The following ATG5 variants were observed in gnomAD, a reference collection of about 807,000 sequenced individuals.
The protein encoded by ATG5 is autophagy protein 5.
In ATG5, 14 loss-of-function variants were observed where a neutral mutation model predicts 36.5. That is an observed-to-expected ratio of 0.38 (90% CI 0.25 to 0.60). The LOEUF (loss-of-function observed/expected upper bound fraction) is 0.60. ATG5 is among the 20% of genes least tolerant of loss of function. ATG5 has a pLI of 0.60. For synonymous variants in ATG5, 95 were observed against 101.5 expected (o/e 0.94, Z 0.38); for missense variants, 195 against 326.7 (o/e 0.60, Z 3.11).
chr6:106,207,053 A>C (rs923745158), intron 6 of ATG5, among the ~76,000 whole-genome samples: 26 of 152,350 alleles, frequency 1.7e-4, no homozygotes, highest in African/African-American at 6.0e-4. Flanking sequence ...GTAAATATGC[A>C]AAGTATTTCA....
chr6:106,195,699 A>T (rs1212622964), intron 7 of ATG5, among the ~76,000 whole-genome samples: 3 of 151,764 alleles, frequency 2.0e-5, no homozygotes, highest in Non-Finnish European at 4.4e-5. Context: ...GACAGTTTGC[A>T]TGGGGAGAAG....
chr6:106,252,807 C>A (rs779191423), intron 5 of ATG5, among the ~76,000 whole-genome samples: 1 of 152,208 alleles, frequency 6.6e-6, no homozygotes, highest in African/African-American at 2.4e-5. Context: ...ACCTCCTGGT[C>A]TTTAACATCT....
intron 7 of ATG5, among the ~76,000 whole-genome samples, chr6:106,193,440 C>T (rs1319390918): frequency 6.6e-6 from 1 of 151,902 alleles, no homozygotes; most frequent in Non-Finnish European, 1.5e-5. Context: ...TTGACTTTTG[C>T]TTATAATCTC....
intron 5 of ATG5, among the ~76,000 whole-genome samples, chr6:106,263,640 C>T (rs570813623): frequency 9.9e-5 from 15 of 152,262 alleles, no homozygotes; most frequent in South Asian, 4.1e-4. Flanking sequence ...CCCTCTGGGA[C>T]GAAGCTTCCA....
At chr6:106,307,572 T>A (rs1252114515) in intron 3 of ATG5, among the ~76,000 whole-genome samples, 1 of 139,168 alleles carries the variant, frequency 7.2e-6, no homozygotes, top group African/African-American at 2.7e-5. Context: ...AGAGTTTCAC[T>A]CTTATTGCCC....
At chr6:106,234,395 A>C (rs1777811625) in intron 6 of ATG5, among the ~76,000 whole-genome samples, 1 of 152,198 alleles carries the variant, frequency 6.6e-6, no homozygotes, top group South Asian at 2.1e-4. Context: ...GAACAACTAC[A>C]GCACAGAAAT....
chr6:106,287,119 T>C (rs774543866), intron 4 of ATG5, among the ~76,000 whole-genome samples: 15 of 152,174 alleles, frequency 9.9e-5, no homozygotes, highest in South Asian at 4.1e-4. Flanking sequence ...AGCTGGGAAG[T>C]GCAGGCAGTG....
intron 3 of ATG5, among the ~76,000 whole-genome samples, chr6:106,300,308 C>T (rs1392905622): frequency 1.3e-5 from 2 of 152,042 alleles, no homozygotes; most frequent in Non-Finnish European, 2.9e-5. Flanking sequence ...AATTCACAAC[C>T]TTAAAAAGAC....
At chr6:106,197,777 A>T (rs1776257371) in intron 7 of ATG5, among the ~76,000 whole-genome samples, 1 of 152,178 alleles carries the variant, frequency 6.6e-6, no homozygotes, top group Non-Finnish European at 1.5e-5. Context: ...TAGAGCTGTG[A>T]GTTAAATAAA....
intron 3 of ATG5, among the ~76,000 whole-genome samples, chr6:106,294,041 C>CT (rs1011133723): frequency 6.6e-6 from 1 of 151,590 alleles, no homozygotes; most frequent in African/African-American, 2.4e-5. Flanking sequence ...ATCTGAAAAT[C>CT]TGAAATGCTG....
chr6:106,262,775 C>G (rs892333518), intron 5 of ATG5, among the ~76,000 whole-genome samples: 6 of 152,204 alleles, frequency 3.9e-5, no homozygotes, highest in African/African-American at 1.4e-4. Flanking sequence ...CTCCCTCCCC[C>G]AGCCAAGGGA....
chr6:106,321,165 C>T (rs1050779763), intron 1 of ATG5, among the ~76,000 whole-genome samples: 4 of 152,144 alleles, frequency 2.6e-5, no homozygotes, highest in Admixed American at 2.0e-4. Context: ...CAAACCCATC[C>T]TCTTTGACTC....
intron 5 of ATG5, among the ~76,000 whole-genome samples, chr6:106,266,582 C>T (rs1028948726): frequency 6.6e-6 from 1 of 152,152 alleles, no homozygotes; most frequent in Non-Finnish European, 1.5e-5. Flanking sequence ...CCCTGATGAA[C>T]ATCAATGTGA....
chr6:106,218,437 ACT>A (rs1288012709), intron 6 of ATG5, among the ~76,000 whole-genome samples: 1 of 152,196 alleles, frequency 6.6e-6, no homozygotes, highest in East Asian at 1.9e-4. Context: ...TTTTAAAAAC[ACT>A]CTAAAGCAAC....
intron 6 of ATG5, among the ~76,000 whole-genome samples, chr6:106,246,382 TCTCTCTCTCTCACA>T (rs1778334942): frequency 2.1e-5 from 2 of 95,154 alleles, no homozygotes. Context: ...TCTCTCTCTC[TCTCTCTCTCTCACA>T]CACACACACA....
intron 3 of ATG5, among the ~76,000 whole-genome samples, chr6:106,300,863 T>C (rs1770180243): frequency 6.6e-6 from 1 of 152,080 alleles, no homozygotes; most frequent in South Asian, 2.1e-4. Context: ...TTTCAACTTC[T>C]TCCTTTTACC....
intron 7 of ATG5, among the ~76,000 whole-genome samples, chr6:106,197,584 A>C (rs1375598586): frequency 1.3e-5 from 2 of 151,812 alleles, no homozygotes; most frequent in Admixed American, 6.6e-5. Flanking sequence ...CTGGGTGTGG[A>C]GGAGTGAGTT....
At chr6:106,313,650 T>C (rs772417793) in intron 2 of ATG5, among the ~76,000 whole-genome samples, 2 of 152,130 alleles carry the variant, frequency 1.3e-5, no homozygotes, top group African/African-American at 2.4e-5. Flanking sequence ...GATAAACATA[T>C]AGGATATAGG....
chr6:106,209,344 G>C (rs1472623570), intron 6 of ATG5, among the ~76,000 whole-genome samples: 1 of 152,134 alleles, frequency 6.6e-6, no homozygotes, highest in Non-Finnish European at 1.5e-5. Flanking sequence ...ATACTACTCA[G>C]CAATAAAAAG....
Sources: gnomAD v4.1 joint callset for allele counts (sites outside exome capture counted in the v4.1 genomes callset) on GRCh38, gnomAD v4.1.1 for gene constraint, MANE v1.5 for transcripts, NCBI Gene and HGNC (gene_info 2026-07-23, HGNC 2026-07-21) for gene names.